Variants in CDH17 observed in about 807,000 individuals in gnomAD.
CDH17 encodes the protein cadherin-17.
In CDH17, 67 loss-of-function variants were observed where a neutral mutation model predicts 86.3. The ratio of observed to expected loss-of-function variants is 0.78; its 90% CI spans 0.64 to 0.95. The LOEUF is 0.95. CDH17 is among the 40% of genes least tolerant of loss of function. The pLI is 0.00. For missense variants in CDH17, 993 were observed against 1,017.6 expected, an observed-to-expected ratio of 0.98 and a Z score of 0.33; for synonymous variants, 367 against 366.4, an observed-to-expected ratio of 1.00 and a Z score of -0.02.
chr8:94,179,548 AT>A (rs1312822282), intron 3 of CDH17, among the ~76,000 whole-genome samples: 2 of 152,206 alleles, frequency 1.3e-5, no homozygotes, highest in African/African-American at 2.4e-5. Context: ...GAAGGCCCTA[AT>A]CCCTCACCTC....
intron 5 of CDH17, 112 bp from the exon 6 acceptor site, chr8:94,174,372 T>C: frequency 9.5e-7 from 1 of 1,050,122 alleles, no homozygotes; most frequent in Non-Finnish European, 1.4e-6. Context: ...GGGAAAGGTA[T>C]GACAATTCAC....
intron 12 of CDH17, among the ~76,000 whole-genome samples, chr8:94,153,474 T>C (rs772448837): frequency 3.3e-5 from 5 of 152,146 alleles, no homozygotes. Context: ...CAATTAAAAA[T>C]AGAACTACCA....
intron 3 of CDH17, among the ~76,000 whole-genome samples, chr8:94,180,720 C>T (rs1813465201): frequency 6.6e-6 from 1 of 151,858 alleles, no homozygotes; most frequent in Non-Finnish European, 1.5e-5. Context: ...ACGGTGAAAC[C>T]CCATCTCTAC....
intron 14 of CDH17, among the ~76,000 whole-genome samples, chr8:94,146,433 C>A (rs1812746189): frequency 6.6e-6 from 1 of 152,214 alleles, no homozygotes; most frequent in Non-Finnish European, 1.5e-5. Flanking sequence ...GTGTAACTTG[C>A]CCAAGGCAGA....
At chr8:94,181,234 G>A (rs1813479262) in intron 3 of CDH17, among the ~76,000 whole-genome samples, 1 of 152,038 alleles carries the variant, frequency 6.6e-6, no homozygotes, top group South Asian at 2.1e-4. Context: ...TAATTCAACA[G>A]TAATAATTGA....
chr8:94,185,964 A>C (rs1813570528), intron 3 of CDH17, among the ~76,000 whole-genome samples: 2 of 151,908 alleles, frequency 1.3e-5, no homozygotes. Context: ...TTTTTTTCTC[A>C]TATCTGTTTT....
chr8:94,194,687 GT>G lies in CDH17; in HGVS notation c.-3del, dbSNP rs747018708. The G allele has an allele frequency of 3.1e-6, 5 of 1,598,326 alleles. No individual in the cohort carries two copies. The African/African-American group carries it at 6.7e-5, about 22-fold the overall frequency. ...GTGAAGATGGGCCTGAAGTATCATAGTTTTCTTTATTCAAATTCCTGTGAAG... is the reference window on the plus strand; with the variant it reads ...GTGAAGATGGGCCTGAAGTATCATAGTTTCTTTATTCAAATTCCTGTGAAG... On this transcript the variant is annotated 5_prime_UTR_variant, in exon 2 of 18. Coordinates refer to ENST00000027335, the MANE Select transcript of CDH17 (RefSeq NM_004063.4).
At chr8:94,146,272 G>A in intron 14 of CDH17, 105 bp from the exon 15 acceptor site, 2 of 1,039,338 alleles carry the variant, frequency 1.9e-6, no homozygotes, top group Admixed American at 3.1e-5. Flanking sequence ...ACACTGAGAT[G>A]CTAGAAAGAC....
At chr8:94,208,452 AC>A (rs1224357251) in intron 1 of CDH17, 30 bp downstream of exon 1, 2 of 152,206 alleles carry the variant, frequency 1.3e-5, no homozygotes, top group African/African-American at 4.8e-5. Flanking sequence ...TAAATACGTT[AC>A]TGACACAGTT....
intron 1 of CDH17, among the ~76,000 whole-genome samples, chr8:94,203,857 G>T (rs1813970858): frequency 1.3e-5 from 2 of 151,934 alleles, no homozygotes; most frequent in South Asian, 2.1e-4. Flanking sequence ...AGGGAGGGAG[G>T]GATGAACATA....
chr8:94,214,301 G>T (rs983552461), intron 1 of CDH17, among the ~76,000 whole-genome samples: 2 of 152,114 alleles, frequency 1.3e-5, no homozygotes, highest in African/African-American at 4.8e-5. Context: ...CTCAGACTTG[G>T]ACACTAAGGC....
chr8:94,156,703 C>A (rs1812955078), intron 12 of CDH17, among the ~76,000 whole-genome samples: 1 of 152,178 alleles, frequency 6.6e-6, no homozygotes, highest in Admixed American at 6.5e-5. Context: ...GCAAGTTTGG[C>A]CCCCTTAGGC....
chr8:94,190,808 A>G (rs748600958), intron 2 of CDH17, among the ~76,000 whole-genome samples: 1 of 152,240 alleles, frequency 6.6e-6, no homozygotes, highest in Non-Finnish European at 1.5e-5. Context: ...CCCAAAAGCC[A>G]TCAATATGCC....
intron 1 of CDH17, among the ~76,000 whole-genome samples, chr8:94,198,877 A>G (rs1813836412): frequency 6.6e-6 from 1 of 152,012 alleles, no homozygotes; most frequent in Non-Finnish European, 1.5e-5. Flanking sequence ...GCAATGAACT[A>G]CACCACTTCT....
At chr8:94,148,406 G>T (rs763321089) in intron 14 of CDH17, among the ~76,000 whole-genome samples, 1 of 151,892 alleles carries the variant, frequency 6.6e-6, no homozygotes, top group Non-Finnish European at 1.5e-5. Flanking sequence ...GCCAGGCATG[G>T]TGGTGGGTGC....
At chr8:94,188,552 T>C (rs1025655290) in intron 3 of CDH17, among the ~76,000 whole-genome samples, 6 of 152,244 alleles carry the variant, frequency 3.9e-5, no homozygotes, top group African/African-American at 1.4e-4. Flanking sequence ...GTAAATACAG[T>C]AGTGTTTTCC....
Position 94,152,126 on chromosome 8 carries a change from A to C in CDH17, c.1552-14T>G. ...AAAATCAAGAGGCTGTGTAGGAGAAAGAGAGAAAATTAATTTTGGGGTGAT... is the reference window on the plus strand; with the variant it reads ...AAAATCAAGAGGCTGTGTAGGAGAACGAGAGAAAATTAATTTTGGGGTGAT... On this transcript the variant is annotated splice_polypyrimidine_tract_variant and intron_variant, in intron 12 of 17. Transcript: ENST00000027335. 6.2e-7 allele frequency: 1 copy of C among 1,611,740 alleles called. No individual in the cohort carries two copies. Among genetic ancestry groups the C allele is most frequent in the Non-Finnish European group, 8.5e-7 (1 of 1,178,538 alleles).
chr8:94,188,182 G>T (rs141027486), intron 3 of CDH17, among the ~76,000 whole-genome samples: 1 of 152,132 alleles, frequency 6.6e-6, no homozygotes, highest in African/African-American at 2.4e-5. Context: ...GAACCTACTC[G>T]CATTCTCCCA....
At chr8:94,141,292 T>C (rs1404076485) in intron 15 of CDH17, among the ~76,000 whole-genome samples, 2 of 148,842 alleles carry the variant, frequency 1.3e-5, no homozygotes, top group African/African-American at 4.9e-5. Context: ...CCCTCACAAA[T>C]AGGAATAAAA....
Sources: gnomAD v4.1 joint callset for allele counts (sites outside exome capture counted in the v4.1 genomes callset) on GRCh38, gnomAD v4.1.1 for gene constraint, MANE v1.5 for transcripts, NCBI Gene and HGNC (gene_info 2026-07-23, HGNC 2026-07-21) for gene names.